AGO1: variants seen among roughly 807,000 people sequenced by gnomAD.
AGO1 encodes argonaute RISC component 1, also known as protein argonaute-1.
A neutral mutation model predicts 109.2 loss-of-function variants in AGO1; 11 were observed. The ratio of observed to expected loss-of-function variants is 0.10; its 90% CI spans 0.06 to 0.17. The LOEUF (loss-of-function observed/expected upper bound fraction) is 0.17. Among genes scored for constraint, AGO1 ranks in the 10% least tolerant of loss-of-function variants. AGO1 has a pLI of 1.00. For missense variants in AGO1, 574 were observed against 1,140.3 expected (o/e 0.50, Z 7.15); for synonymous variants, 422 against 418.6 (o/e 1.01, Z -0.10).
rs938344896 is a variant in AGO1 at position 35,928,523 on chromosome 1, A to C, written c.*8916A>C. The C allele has an allele frequency of 1.3e-5, 2 of 152,226 alleles. No homozygotes were observed. The highest frequency in any genetic ancestry group is 2.9e-5 in the Non-Finnish European group (2 of 68,058). The allele number at this position is 152,226 out of a possible 1,614,324, so 9.4% of individuals were successfully genotyped here. On this transcript the variant is annotated 3_prime_UTR_variant, in exon 19 of 19. Coordinates refer to ENST00000373204, the MANE Select transcript of AGO1 (RefSeq NM_012199.5). ...GGCTGGCCTCTCTTAGCTTCAAGCT[A>C]TCCTCCCGCCTCGGCCTCCCAAAGT...
Position 35,926,952 on chromosome 1 carries a change from T to TG in AGO1, c.*7345_*7346insG, listed in dbSNP as rs1645941836. On this transcript the variant is annotated 3_prime_UTR_variant, in exon 19 of 19. Transcript: ENST00000373204. ...ATGGTTTTTTGTTTGGGGTTTTTTT[T>TG]TTTTTTTTTTTGGACAAAGTATAAT... 1 of 151,338 alleles carries TG rather than the reference T, an allele frequency of 6.6e-6. No individual in the cohort carries two copies. Among genetic ancestry groups the TG allele is most frequent in the South Asian group, 2.1e-4 (1 of 4,814 alleles). The allele number at this position is 151,338 out of a possible 1,614,324, so 9.4% of individuals were successfully genotyped here. A position where few individuals can be genotyped will look rare whatever the true frequency, so the allele number is the denominator to read the frequency against.
At position 35,883,258 on chromosome 1, in the gene AGO1, G is replaced by A; in HGVS notation, c.-164G>A. 1 of 1,351,628 alleles carries A rather than the reference G, an allele frequency of 7.4e-7. No homozygotes were observed. The highest frequency in any genetic ancestry group is 9.5e-7 in the Non-Finnish European group (1 of 1,050,858). The allele number at this position is 1,351,628 out of a possible 1,614,324, so 83.7% of individuals were successfully genotyped here. On this transcript the variant is annotated 5_prime_UTR_variant, in exon 1 of 19. Coordinates refer to ENST00000373204, the MANE Select transcript of AGO1 (RefSeq NM_012199.5). This position sits in a 1 kb window ranked among gnomAD's most constrained non-coding sequence, Gnocchi z 5.4. ...AGTGGGAGCTGCTGCAGGCTCCGCG[G>A]CGGCGGCAACGGAGGCTGCGGGGGC...
chr1:35,911,885 ACT>A (rs1365239985), intron 12 of AGO1, among the ~76,000 whole-genome samples: 3 of 151,576 alleles, frequency 2.0e-5, no homozygotes, highest in East Asian at 1.9e-4. Context: ...TTCTTGAAAC[ACT>A]CTCTTTCTTC....
At chr1:35,895,911 A>T (rs767988956) in intron 8 of AGO1, among the ~76,000 whole-genome samples, 1 of 152,242 alleles carries the variant, frequency 6.6e-6, no homozygotes, top group Non-Finnish European at 1.5e-5. Context: ...CTACTCAAAA[A>T]GTGTGGTCAT....
At chr1:35,883,123 C>T (rs1287337069), upstream of AGO1, 4 of 1,095,460 alleles carry the variant, frequency 3.7e-6, no homozygotes, top group African/African-American at 6.6e-5. The surrounding 1 kb of genome is among the most constrained non-coding windows in gnomAD (Gnocchi z 5.4). Context: ...GTGCCCCCGC[C>T]CCTCTCCATT....
At chr1:35,900,239 T>C (rs553639270) in intron 8 of AGO1, among the ~76,000 whole-genome samples, 2 of 152,286 alleles carry the variant, frequency 1.3e-5, no homozygotes, top group Admixed American at 1.3e-4. Context: ...CCTGTCACCA[T>C]TGGACAGCTG....
chr1:35,898,949 G>A (rs1369760497), intron 8 of AGO1, among the ~76,000 whole-genome samples: 1 of 151,956 alleles, frequency 6.6e-6, no homozygotes, highest in African/African-American at 2.4e-5. Flanking sequence ...ACAGTTCTGT[G>A]GCATTAAATA....
At chr1:35,870,375 C>G (rs776502980) in intron 1 of AGO1, among the ~76,000 whole-genome samples, 7 of 152,130 alleles carry the variant, frequency 4.6e-5, no homozygotes, top group Non-Finnish European at 1.0e-4. Context: ...GCTCCGCCTC[C>G]CAGGTTCACG....
At position 35,894,302 on chromosome 1, in the gene AGO1, G is replaced by T; in HGVS notation, c.785-13G>T. 9 of 1,614,022 alleles carry T rather than the reference G, an allele frequency of 5.6e-6. No individual in the cohort carries two copies. The highest frequency in any genetic ancestry group is 7.6e-6 in the Non-Finnish European group (9 of 1,179,912). On this transcript the variant is annotated splice_polypyrimidine_tract_variant and intron_variant, in intron 6 of 18. Coordinates refer to ENST00000373204, the MANE Select transcript of AGO1 (RefSeq NM_012199.5). ...ACCTATTTTAGCCCTGACAAGCAGT[G>T]TGTGTATCTCAGGCCTGAAGGTGGA...
Position 35,893,551 on chromosome 1 carries a change from C to T in AGO1, c.513-123C>T. On this transcript the variant is annotated intron_variant, in intron 4 of 18. Coordinates refer to ENST00000373204, the MANE Select transcript of AGO1 (RefSeq NM_012199.5). The surrounding 1 kb of genome is among the most constrained non-coding windows in gnomAD (Gnocchi z 5.6). ...AAGGTCAGTCATACAACTAGTAAAGCATCAGAGCTGGCATTAAAGCCCCGG... is the reference window on the plus strand; with the variant it reads ...AAGGTCAGTCATACAACTAGTAAAGTATCAGAGCTGGCATTAAAGCCCCGG... 1 of 1,046,700 alleles carries T rather than the reference C, an allele frequency of 9.6e-7. No individual in the cohort carries two copies. The highest frequency in any genetic ancestry group is 1.4e-6 in the Non-Finnish European group (1 of 740,118). The allele number at this position is 1,046,700 out of a possible 1,614,324, so 64.8% of individuals were successfully genotyped here.
chr1:35,872,809 G>A (rs563223776), intron 1 of AGO1, among the ~76,000 whole-genome samples: 20 of 152,232 alleles, frequency 1.3e-4, no homozygotes, highest in African/African-American at 4.8e-4. Context: ...TGGGCCTCAA[G>A]CGATTCTCCC....
At chr1:35,892,399 G>A (rs1420146552) in intron 2 of AGO1, among the ~76,000 whole-genome samples, 158 bp from the exon 3 acceptor site, 1 of 152,226 alleles carries the variant, frequency 6.6e-6, no homozygotes, top group Admixed American at 6.5e-5. Flanking sequence ...AAATCTCCAG[G>A]TGATTCATAG....
rs3754070 is a variant in AGO1 at position 35,905,871 on chromosome 1, A to G, written c.1398-1064A>G. Among the ~76,000 whole-genome samples, 53 of 152,370 alleles carry G rather than the reference A, an allele frequency of 3.5e-4. No homozygotes were observed. The East Asian group carries it at 9.8e-3, about 28-fold the overall frequency. On this transcript the variant is annotated intron_variant, in intron 11 of 18. Coordinates refer to ENST00000373204, the MANE Select transcript of AGO1 (RefSeq NM_012199.5). Reference sequence around the variant, plus strand: ...ATGATTTTAAATTTTGCATAATAGTATCAGACTGTTTCTTTTCTTGTGTGT... The same window carrying G: ...ATGATTTTAAATTTTGCATAATAGTGTCAGACTGTTTCTTTTCTTGTGTGT...
rs1475479675 is a variant in AGO1 at position 35,870,086 on chromosome 1, A to AAGGGAC, written c.-201+183_-201+184insAGGGAC. 4.6e-5 allele frequency among the ~76,000 whole-genome samples: 7 copies of AAGGGAC among 151,466 alleles called. No individual in the cohort carries two copies. In the South Asian group the frequency reaches 6.3e-4, roughly 14 times the overall value. ...CTGTCAGCCTTCTCTTAAACCGTGAACTCTAGAGGGAAAGGACCTCATATT... is the reference window on the plus strand; with the variant it reads ...CTGTCAGCCTTCTCTTAAACCGTGAAAGGGACCTCTAGAGGGAAAGGACCTCATATT... On this transcript the variant is annotated intron_variant, in intron 1 of 18. Transcript: ENST00000373206.
At chr1:35,912,075 C>T (rs1299401403) in intron 12 of AGO1, among the ~76,000 whole-genome samples, 4 of 152,076 alleles carry the variant, frequency 2.6e-5, no homozygotes, top group African/African-American at 9.7e-5. Context: ...ATCATGCCTT[C>T]GGCCGGGCGC....
At chr1:35,869,795 A>G (rs1441292721), upstream of AGO1, 2 of 152,100 alleles carry the variant, frequency 1.3e-5, no homozygotes, top group African/African-American at 4.8e-5. Flanking sequence ...ACGCCACGTG[A>G]GAGGGAAGCC....
At chr1:35,884,396 G>C (rs1188892461) in intron 1 of AGO1, among the ~76,000 whole-genome samples, 1 of 152,146 alleles carries the variant, frequency 6.6e-6, no homozygotes, top group African/African-American at 2.4e-5. Context: ...TACCTGGAAG[G>C]AGTTGTCTGC....
At chr1:35,899,253 G>A (rs925535376) in intron 8 of AGO1, among the ~76,000 whole-genome samples, 6 of 152,200 alleles carry the variant, frequency 3.9e-5, no homozygotes, top group African/African-American at 1.2e-4. Context: ...ATAGTCCGTT[G>A]TATGTATATA....
Position 35,893,962 on chromosome 1 carries a change from G to T in AGO1, c.650-75G>T. 1 of 1,521,260 alleles carries T rather than the reference G, an allele frequency of 6.6e-7. No individual in the cohort carries two copies. The allele number at this position is 1,521,260 out of a possible 1,614,324, so 94.2% of individuals were successfully genotyped here. On this transcript the variant is annotated intron_variant, in intron 5 of 18. Coordinates refer to ENST00000373204, the MANE Select transcript of AGO1 (RefSeq NM_012199.5). The surrounding 1 kb of genome is among the most constrained non-coding windows in gnomAD (Gnocchi z 5.6). Reference sequence around the variant, plus strand: ...CATCCCAATGCCCTTTAAGGAAGAGGGTATAAATTGCTGTGCCTCCATGTA... The same window carrying T: ...CATCCCAATGCCCTTTAAGGAAGAGTGTATAAATTGCTGTGCCTCCATGTA...
Sources: allele counts gnomAD v4.1 joint callset (sites outside exome capture counted in the v4.1 genomes callset), GRCh38; gene constraint gnomAD v4.1.1; non-coding constraint Gnocchi (gnomAD v3.1); transcripts MANE v1.5; gene names NCBI Gene and HGNC (gene_info 2026-07-23, HGNC 2026-07-21).